The following RTN4RL1 variants were observed in gnomAD, a reference collection of about 807,000 sequenced individuals.
RTN4RL1 encodes reticulon-4 receptor-like 1.
Under a neutral mutation model 25.6 loss-of-function variants are expected in RTN4RL1, and 7 were observed. The observed-to-expected ratio is 0.27, with a 90% CI of 0.16 to 0.51. The LOEUF (loss-of-function observed/expected upper bound fraction) is 0.51. Ranked by LOEUF, RTN4RL1 falls within the 20% of genes least tolerant of loss-of-function variation. The pLI is 0.97. For missense variants in RTN4RL1, 500 were observed against 615.6 expected, an observed-to-expected ratio of 0.81 and a Z score of 1.99; for synonymous variants, 297 against 288.2, an observed-to-expected ratio of 1.03 and a Z score of -0.31.
intron 1 of RTN4RL1, among the ~76,000 whole-genome samples, chr17:1,947,505 C>T (rs897210380): frequency 1.3e-5 from 2 of 152,212 alleles, no homozygotes; most frequent in Admixed American, 6.5e-5. Context: ...GCCCTCCTCC[C>T]GACACGCTGA....
intron 1 of RTN4RL1, among the ~76,000 whole-genome samples, chr17:2,016,399 C>CA (rs912751441): frequency 1.3e-5 from 2 of 150,994 alleles, no homozygotes; most frequent in East Asian, 1.9e-4. Flanking sequence ...AAACAAAAAA[C>CA]AAAAAAAAAC....
Position 1,935,936 on chromosome 17 carries a change from G to T in RTN4RL1, c.*560C>A. ...CAGGGTTGCCTGAGACATCAGGAAT[G>T]AGAGGCGCTACCCCCGAGGGAGGGG... On this transcript the variant is annotated 3_prime_UTR_variant, in exon 2 of 2. Transcript: ENST00000331238. The T allele has an allele frequency of 1.0e-6, 1 of 985,658 alleles. No homozygotes were observed. Among genetic ancestry groups the T allele is most frequent in the Non-Finnish European group, 1.2e-6 (1 of 829,974 alleles). The allele number at this position is 985,658 out of a possible 1,614,324, so 61.1% of individuals were successfully genotyped here. A position where few individuals can be genotyped will look rare whatever the true frequency, so the allele number is the denominator to read the frequency against.
At chr17:1,951,442 T>G (rs969082137) in intron 1 of RTN4RL1, among the ~76,000 whole-genome samples, 6 of 150,256 alleles carry the variant, frequency 4.0e-5, no homozygotes, top group Admixed American at 6.6e-5. Context: ...AAGTTTTTTT[T>G]GTTGTTTTTT....
intron 1 of RTN4RL1, chr17:1,995,530 C>T (rs761559324): frequency 1.3e-5 from 2 of 152,160 alleles, no homozygotes; most frequent in Non-Finnish European, 2.9e-5. Flanking sequence ...TCACTCTCCT[C>T]GTCCTTACAG....
chr17:2,012,566 TTTTC>T (rs1333052777), intron 1 of RTN4RL1, among the ~76,000 whole-genome samples: 1 of 152,180 alleles, frequency 6.6e-6, no homozygotes, highest in Non-Finnish European at 1.5e-5. Flanking sequence ...GTTTCTATTT[TTTTC>T]TTTCTCTTTT....
chr17:1,970,369 G>T (rs1402033897), intron 1 of RTN4RL1, among the ~76,000 whole-genome samples: 1 of 152,152 alleles, frequency 6.6e-6, no homozygotes, highest in Non-Finnish European at 1.5e-5. Context: ...CTCCAGCAAG[G>T]TAGCTGGATT....
chr17:1,942,168 A>T (rs4073992), intron 1 of RTN4RL1, among the ~76,000 whole-genome samples: 50,631 of 151,598 alleles, frequency 0.33, 8,717 homozygotes, highest in Admixed American at 0.41. Context: ...TCCCTGGGGG[A>T]GTCCCCCTGC....
intron 1 of RTN4RL1, among the ~76,000 whole-genome samples, chr17:1,966,105 G>A (rs1231345388): frequency 6.6e-6 from 1 of 152,154 alleles, no homozygotes; most frequent in African/African-American, 2.4e-5. Context: ...CTGCCCCTCT[G>A]TGATGGCTCA....
intron 1 of RTN4RL1, among the ~76,000 whole-genome samples, chr17:1,993,254 A>G (rs1410132287): frequency 6.6e-6 from 1 of 152,122 alleles, no homozygotes; most frequent in African/African-American, 2.4e-5. Context: ...TCTCAAAAAA[A>G]GAAAAGAAAA....
rs1349952647 is a variant in RTN4RL1, at chr17:2,024,875, G to T, written c.-10C>A. On this transcript the variant is annotated 5_prime_UTR_variant, in exon 1 of 2. Transcript: ENST00000331238. ...CACCTTTGCGAAGCATGTTGGCCAC[G>T]GGGCCGCCGCTCCGAGGTCGGCCTA... 10 of 1,584,068 alleles carry T rather than the reference G, an allele frequency of 6.3e-6. No individual in the cohort carries two copies. The highest frequency in any genetic ancestry group is 5.1e-6 in the Non-Finnish European group (6 of 1,166,276).
chr17:1,950,869 A>AAAAAAG (rs1915658714), intron 1 of RTN4RL1, among the ~76,000 whole-genome samples: 1 of 148,600 alleles, frequency 6.7e-6, no homozygotes, highest in East Asian at 2.0e-4. Flanking sequence ...AAAAAAAAAA[A>AAAAAAG]AAAAAGGCTA....
intron 1 of RTN4RL1, among the ~76,000 whole-genome samples, chr17:1,948,637 C>A (rs1232645173): frequency 6.6e-6 from 1 of 152,110 alleles, no homozygotes; most frequent in African/African-American, 2.4e-5. Context: ...ATGGGCCCAC[C>A]AAGTCCTCAG....
At position 2,024,934 on chromosome 17, in the gene RTN4RL1, C is replaced by A; in HGVS notation, c.-69G>T. On this transcript the variant is annotated 5_prime_UTR_variant, in exon 1 of 2. Coordinates refer to ENST00000331238, the MANE Select transcript of RTN4RL1 (RefSeq NM_178568.4). ...CCCTCCCGGGGTCCAGATTCAAATC[C>A]CTGGGCGCCAGCTGCAGCTAATCCG... 3 of 1,501,614 alleles carry A rather than the reference C, an allele frequency of 2.0e-6. No individual in the cohort carries two copies. The highest frequency in any genetic ancestry group is 2.7e-6 in the Non-Finnish European group (3 of 1,110,342). The allele number at this position is 1,501,614 out of a possible 1,614,324, so 93.0% of individuals were successfully genotyped here.
At position 1,994,180 on chromosome 17, in the gene RTN4RL1, C is replaced by T. The variant is rs1392614569; in HGVS notation, c.13+30673G>A. 6.6e-6 allele frequency among the ~76,000 whole-genome samples: 1 copy of T among 152,034 alleles called. No individual in the cohort carries two copies. Among genetic ancestry groups the T allele is most frequent in the Non-Finnish European group, 1.5e-5 (1 of 68,002 alleles). On this transcript the variant is annotated intron_variant, in intron 1 of 1. Coordinates refer to ENST00000331238, the MANE Select transcript of RTN4RL1 (RefSeq NM_178568.4). This position sits in a 1 kb window ranked among gnomAD's most constrained non-coding sequence, Gnocchi z 4.3. The stretch of plus-strand genomic sequence containing the variant: ...TTTGCTGCCTCTGAGAAGAGTGTGC[C>T]CAGGTGGAATTCACAGGCGCTGGGA...
At position 1,994,259 on chromosome 17, in the gene RTN4RL1, C is replaced by G. The variant is rs931809911; in HGVS notation, c.13+30594G>C. On this transcript the variant is annotated intron_variant, in intron 1 of 1. Coordinates refer to ENST00000331238, the MANE Select transcript of RTN4RL1 (RefSeq NM_178568.4). This position sits in a 1 kb window ranked among gnomAD's most constrained non-coding sequence, Gnocchi z 4.3. ...TGGGGAGGACAAAGCGGCTTTCACT[C>G]CATCCCTTATGGGGATAGTGAGGAG... Among the ~76,000 whole-genome samples, 1 of 151,994 alleles carries G rather than the reference C, an allele frequency of 6.6e-6. No homozygotes were observed. Among genetic ancestry groups the G allele is most frequent in the Non-Finnish European group, 1.5e-5 (1 of 68,014 alleles).
At position 1,998,129 on chromosome 17, in the gene RTN4RL1, G is replaced by C. The variant is rs974623619; in HGVS notation, c.13+26724C>G. 6.6e-6 allele frequency among the ~76,000 whole-genome samples: 1 copy of C among 152,176 alleles called. No homozygotes were observed. Among genetic ancestry groups the C allele is most frequent in the Non-Finnish European group, 1.5e-5 (1 of 68,006 alleles). On this transcript the variant is annotated intron_variant, in intron 1 of 1. Transcript: ENST00000331238. The surrounding 1 kb of genome is among the most constrained non-coding windows in gnomAD (Gnocchi z 4.9). ...GCCGGGGCTGGCAGGGGAGCCAGAC[G>C]GCGGCGGAGGGGGCGGGGAGGCCTC...
intron 1 of RTN4RL1, among the ~76,000 whole-genome samples, chr17:1,989,475 A>C (rs898106123): frequency 6.6e-6 from 1 of 152,170 alleles, no homozygotes; most frequent in Non-Finnish European, 1.5e-5. Flanking sequence ...CCCTGGAGCC[A>C]GGGCCAGCTG....
At position 2,008,071 on chromosome 17, in the gene RTN4RL1, G is replaced by A. The variant is rs1042277228; in HGVS notation, c.13+16782C>T. Among the ~76,000 whole-genome samples, 4 of 152,046 alleles carry A rather than the reference G, an allele frequency of 2.6e-5. No homozygotes were observed. In the South Asian group the frequency reaches 6.2e-4, roughly 24 times the overall value. ...GCGGATCACCTGAGGTCAGGAGTTC[G>A]CGACCAGCCTTGACATGGAGAAACC... is the stretch of plus-strand genomic sequence containing the variant. On this transcript the variant is annotated intron_variant, in intron 1 of 1. Transcript: ENST00000331238.
chr17:1,964,788 C>CTTTTCT (rs2066781969), intron 1 of RTN4RL1, among the ~76,000 whole-genome samples: 1 of 124,716 alleles, frequency 8.0e-6, no homozygotes, highest in African/African-American at 3.0e-5. Flanking sequence ...CTTTTCTTTT[C>CTTTTCT]TTTTTTTTTT....
Sources: allele counts gnomAD v4.1 joint callset (sites outside exome capture counted in the v4.1 genomes callset), GRCh38; gene constraint gnomAD v4.1.1; non-coding constraint Gnocchi (gnomAD v3.1); transcripts MANE v1.5; gene names NCBI Gene and HGNC (gene_info 2026-07-23, HGNC 2026-07-21).